The following SHANK2 variants were observed in gnomAD, a reference collection of about 807,000 sequenced individuals.
SHANK2 encodes the protein SH3 and multiple ankyrin repeat domains protein 2.
A neutral mutation model predicts 133.7 loss-of-function variants in SHANK2; 43 were observed. The observed-to-expected ratio is 0.32, with a 90% CI of 0.25 to 0.41. The LOEUF (loss-of-function observed/expected upper bound fraction) is 0.41, where lower values mean the gene tolerates loss of function less well. Among genes scored for constraint, SHANK2 ranks in the 10% least tolerant of loss-of-function variants. SHANK2 has a pLI of 1.00. For missense variants in SHANK2, 1,994 were observed against 2,235.8 expected (o/e 0.89, Z 2.18); for synonymous variants, 1,017 against 952.8 (o/e 1.07, Z -1.24).
intron 2 of SHANK2, among the ~76,000 whole-genome samples, chr11:71,166,132 G>A (rs1953143329): frequency 6.6e-6 from 1 of 152,190 alleles, no homozygotes; most frequent in Non-Finnish European, 1.5e-5. Flanking sequence ...ACAGACTGGG[G>A]GTTCCACAGA....
chr11:70,562,882 G>T (rs2059923782), intron 17 of SHANK2, among the ~76,000 whole-genome samples: 1 of 151,842 alleles, frequency 6.6e-6, no homozygotes, highest in South Asian at 2.1e-4. Context: ...TTGTTTGTTT[G>T]TTTGTTTTGA....
At chr11:70,662,043 GGCGGCGGCA>G in intron 15 of SHANK2, 1 of 516,202 alleles carries the variant, frequency 1.9e-6, no homozygotes, top group Admixed American at 3.2e-5. Context: ...CCCGAACGGC[GGCGGCGGCA>G]GCGGCGGCCT....
At chr11:70,663,334 G>A (rs1024336356) in intron 15 of SHANK2, among the ~76,000 whole-genome samples, 22 of 152,156 alleles carry the variant, frequency 1.4e-4, no homozygotes, top group African/African-American at 5.3e-4. Flanking sequence ...GGGGGGCCCT[G>A]GGGAGGAGGA....
chr11:71,198,393 C>T (rs538972118), intron 2 of SHANK2, among the ~76,000 whole-genome samples: 45 of 152,340 alleles, frequency 3.0e-4, no homozygotes, highest in African/African-American at 1.0e-3. Flanking sequence ...TAAACAATCT[C>T]GTTCTCCCAG....
chr11:70,502,741 ACCCCCCCC>A, intron 18 of SHANK2, 47 bp downstream of exon 18: 2 of 381,832 alleles, frequency 5.2e-6, no homozygotes, highest in Non-Finnish European at 9.0e-6. Flanking sequence ...GCCCGCCCCC[ACCCCCCCC>A]CCCCAGTAGG....
At chr11:71,091,309 G>A (rs1052581332) in intron 8 of SHANK2, among the ~76,000 whole-genome samples, 13 of 152,148 alleles carry the variant, frequency 8.5e-5, no homozygotes, top group African/African-American at 1.7e-4. Flanking sequence ...CTGCAGGGCC[G>A]ACGATGAACC....
intron 2 of SHANK2, among the ~76,000 whole-genome samples, chr11:71,222,565 G>A (rs1311447792): frequency 2.0e-5 from 3 of 152,226 alleles, no homozygotes; most frequent in African/African-American, 4.8e-5. Flanking sequence ...AGGCAGAAGC[G>A]CATGCACGCC....
chr11:70,771,023 C>T (rs1947238980), intron 14 of SHANK2, among the ~76,000 whole-genome samples: 1 of 147,336 alleles, frequency 6.8e-6, no homozygotes, highest in Non-Finnish European at 1.5e-5. Context: ...CTCCCAGGCT[C>T]AAGCGATACA....
rs1422919364 is a variant in SHANK2, at chr11:70,659,941, T to C, written c.1948A>G (p.Ile650Val). ...VLRGAKADTP[I>V]EEFTPTPAFP... ...GCCGGTGTTGGTGTGAATTCTTCAA[T>C]GGGTGTGTCAGCTGGGAAGACAAGC... Residue 650 changes from isoleucine (I) to valine (V), a missense_variant, in exon 17 of 26, where the codon ATT becomes GTT. Ile to Val is a conservative substitution (Grantham distance 29, BLOSUM62 3). This residue lies in a region of SHANK2 where 14 missense variants were observed against 42.4 expected (regional missense o/e 0.33). Coordinates refer to ENST00000601538, the MANE Select transcript of SHANK2 (RefSeq NM_012309.5). The C allele has an allele frequency of 1.2e-6, 2 of 1,614,036 alleles. No individual in the cohort carries two copies. Among genetic ancestry groups the C allele is most frequent in the Non-Finnish European group, 1.7e-6 (2 of 1,180,028 alleles).
intron 11 of SHANK2, among the ~76,000 whole-genome samples, chr11:70,846,445 T>C (rs1237378815): frequency 6.6e-6 from 1 of 151,980 alleles, no homozygotes; most frequent in African/African-American, 2.4e-5. Flanking sequence ...TAGTTTTTCA[T>C]TTTTTGTAGA....
chr11:70,527,672 C>T (rs1346571401), intron 17 of SHANK2, among the ~76,000 whole-genome samples: 3 of 152,222 alleles, frequency 2.0e-5, no homozygotes, highest in African/African-American at 7.2e-5. Flanking sequence ...GCCCCCAAAT[C>T]TCTCTGGCCA....
chr11:70,864,089 G>A (rs1194968371), intron 11 of SHANK2: 8 of 317,438 alleles, frequency 2.5e-5, no homozygotes, highest in Non-Finnish European at 4.3e-5. Flanking sequence ...CCTCCAGTTC[G>A]GGGTGCCCAC....
chr11:70,824,476 G>A (rs1555056795), intron 11 of SHANK2, among the ~76,000 whole-genome samples: 2 of 152,114 alleles, frequency 1.3e-5, no homozygotes, highest in Non-Finnish European at 2.9e-5. Flanking sequence ...CAAAGCACAC[G>A]GATCCATGAA....
At chr11:70,591,023 G>A (rs2060313894) in intron 17 of SHANK2, among the ~76,000 whole-genome samples, 1 of 152,134 alleles carries the variant, frequency 6.6e-6, no homozygotes, top group Admixed American at 6.6e-5. Flanking sequence ...GGAGGGAAAG[G>A]GAAGGTCTAC....
Position 70,472,723 on chromosome 11 carries a change from A to C in SHANK2, c.*146T>G. Reference sequence around the variant, plus strand: ...CTGAAGACCCAGCCATGTTGTGGACACAACTCAGTATTTCTTTGGGTACCA... The same window carrying C: ...CTGAAGACCCAGCCATGTTGTGGACCCAACTCAGTATTTCTTTGGGTACCA... On this transcript the variant is annotated 3_prime_UTR_variant, in exon 26 of 26. Coordinates refer to ENST00000601538, the MANE Select transcript of SHANK2 (RefSeq NM_012309.5). The surrounding 1 kb of genome is among the most constrained non-coding windows in gnomAD (Gnocchi z 4.4). The C allele has an allele frequency of 1.2e-6, 1 of 822,376 alleles. No individual in the cohort carries two copies. The highest frequency in any genetic ancestry group is 2.5e-5 in the East Asian group (1 of 40,518). The allele number at this position is 822,376 out of a possible 1,614,324, so 50.9% of individuals were successfully genotyped here.
chr11:70,732,746 T>A (rs543809666), intron 14 of SHANK2, among the ~76,000 whole-genome samples: 2 of 152,278 alleles, frequency 1.3e-5, no homozygotes, highest in Admixed American at 1.3e-4. Context: ...ATCCCACCTC[T>A]AGGTGGCCAT....
At chr11:71,085,686 A>G (rs1951380795) in intron 8 of SHANK2, among the ~76,000 whole-genome samples, 2 of 64,560 alleles carry the variant, frequency 3.1e-5, no homozygotes, top group Non-Finnish European at 5.5e-5. Flanking sequence ...TATATAATAT[A>G]ATATATAACA....
At chr11:71,126,212 G>A (rs112823850) in intron 3 of SHANK2, among the ~76,000 whole-genome samples, 2,530 of 21,786 alleles carry the variant, frequency 0.12, 87 homozygotes, top group African/African-American at 0.24. Flanking sequence ...GTGAGACTCC[G>A]TCTCAAAAAA....
Position 70,581,568 on chromosome 11 carries a change from G to A in SHANK2, c.2061+78260C>T, listed in dbSNP as rs371424079. 6.8e-4 allele frequency among the ~76,000 whole-genome samples: 104 copies of A among 152,318 alleles called. 1 individual carries two copies. In the South Asian group the frequency reaches 0.021, roughly 30 times the overall value. ...TAACCGGGCGTGGTGGCACGTGCCT[G>A]TAATCCCAGCTACTCGGGAGGCTGA... On this transcript the variant is annotated intron_variant, in intron 17 of 25. Transcript: ENST00000601538.
Sources: gnomAD v4.1 joint callset for allele counts (sites outside exome capture counted in the v4.1 genomes callset) on GRCh38, gnomAD v4.1.1 for gene constraint, gnomAD v4.1.1 regional missense constraint, Gnocchi (gnomAD v3.1) non-coding constraint, MANE v1.5 for transcripts, NCBI Gene and HGNC (gene_info 2026-07-23, HGNC 2026-07-21) for gene names.